POLK: variants seen among roughly 807,000 people sequenced by gnomAD.
POLK encodes the protein DNA polymerase kappa.
Under a neutral mutation model 94.0 loss-of-function variants are expected in POLK, and 76 were observed. The observed-to-expected ratio is 0.81, with a 90% CI of 0.67 to 0.98. The LOEUF (loss-of-function observed/expected upper bound fraction) is 0.98. Ranked by LOEUF, POLK falls within the 50% of genes least tolerant of loss-of-function variation. POLK has a pLI of 0.00. For missense variants in POLK, 954 were observed against 1,010.1 expected, an observed-to-expected ratio of 0.94 and a Z score of 0.75; for synonymous variants, 349 against 325.4, an observed-to-expected ratio of 1.07 and a Z score of -0.78.
intron 3 of POLK, among the ~76,000 whole-genome samples, chr5:75,560,073 A>G (rs1770887977): frequency 1.3e-5 from 2 of 152,200 alleles, no homozygotes; most frequent in Admixed American, 1.3e-4. Context: ...ATCATAACAT[A>G]ATCAAAAACA....
At chr5:75,574,659 C>T (rs945777230) in intron 5 of POLK, among the ~76,000 whole-genome samples, 2 of 152,158 alleles carry the variant, frequency 1.3e-5, no homozygotes, top group African/African-American at 2.4e-5. Context: ...AAATTCACCC[C>T]TCTTATTTGT....
At chr5:75,526,178 T>C (rs1271222481) in intron 1 of POLK, among the ~76,000 whole-genome samples, 1 of 152,114 alleles carries the variant, frequency 6.6e-6, no homozygotes, top group Non-Finnish European at 1.5e-5. Context: ...TGTTCAACTG[T>C]AGAGAGGTTG....
chr5:75,581,533 A>AT (rs1416586720), intron 7 of POLK, 85 bp downstream of exon 7: 1 of 1,147,182 alleles, frequency 8.7e-7, no homozygotes, highest in Non-Finnish European at 1.3e-6. Context: ...TTCTCATTAT[A>AT]AAGTATATAG....
At chr5:75,584,065 G>A (rs5744680) in intron 8 of POLK, among the ~76,000 whole-genome samples, 82,291 of 152,060 alleles carry the variant, frequency 0.54, 25,519 homozygotes, top group African/African-American at 0.87. Flanking sequence ...TAGTATATGT[G>A]AGGAGTAGCT....
intron 6 of POLK, among the ~76,000 whole-genome samples, chr5:75,577,932 CT>C (rs1262418182): frequency 6.6e-6 from 1 of 151,992 alleles, no homozygotes; most frequent in East Asian, 1.9e-4. Flanking sequence ...AAAGGTTTTC[CT>C]TATTTGGTGT....
downstream of POLK, among the ~76,000 whole-genome samples, chr5:75,601,657 G>T (rs1158809049): frequency 6.6e-6 from 1 of 152,166 alleles, no homozygotes; most frequent in African/African-American, 2.4e-5. Flanking sequence ...TTGAACATCA[G>T]ACTCCAAGTT....
At chr5:75,562,931 T>A (rs1415072882) in intron 3 of POLK, among the ~76,000 whole-genome samples, 1 of 152,226 alleles carries the variant, frequency 6.6e-6, no homozygotes, top group African/African-American at 2.4e-5. Context: ...ATTGAGGATT[T>A]TCGCATTGAT....
chr5:75,511,699 C>T (rs1201658064), upstream of POLK: 4 of 1,541,876 alleles, frequency 2.6e-6, no homozygotes, highest in Non-Finnish European at 3.5e-6. Context: ...CCCGCCCCGT[C>T]CCCCTCCCGG....
chr5:75,522,521 G>T (rs1768636844), intron 1 of POLK, among the ~76,000 whole-genome samples: 1 of 152,148 alleles, frequency 6.6e-6, no homozygotes, highest in Non-Finnish European at 1.5e-5. Context: ...CCACTAAAAA[G>T]AAGACTGCAA....
At chr5:75,543,359 A>G (rs1260353976) in intron 1 of POLK, among the ~76,000 whole-genome samples, 2 of 152,154 alleles carry the variant, frequency 1.3e-5, no homozygotes, top group South Asian at 4.1e-4. Flanking sequence ...ATTTTTAACT[A>G]GTAACCTGAA....
Position 75,573,887 on chromosome 5 carries a change from C to T in POLK, c.540+18C>T, listed in dbSNP as rs1468966134. On this transcript the variant is annotated intron_variant, in intron 5 of 14. Transcript: ENST00000241436. ...GTAAAGAGGTAAGTTAATGTCTCAC[C>T]CCTACTTTAGGCTTTCACTGAGTTC... is the stretch of plus-strand genomic sequence containing the variant. 1 of 1,611,914 alleles carries T rather than the reference C, an allele frequency of 6.2e-7. No individual in the cohort carries two copies. Among genetic ancestry groups the T allele is most frequent in the Non-Finnish European group, 8.5e-7 (1 of 1,178,416 alleles).
chr5:75,534,362 G>A (rs1316334906), intron 1 of POLK, among the ~76,000 whole-genome samples: 1 of 152,000 alleles, frequency 6.6e-6, no homozygotes, highest in African/African-American at 2.4e-5. Flanking sequence ...CTTGGATTGG[G>A]TTTCGACTGT....
At chr5:75,520,855 T>A (rs1436371566) in intron 1 of POLK, among the ~76,000 whole-genome samples, 1 of 152,208 alleles carries the variant, frequency 6.6e-6, no homozygotes, top group African/African-American at 2.4e-5. Flanking sequence ...TTATCTTTCC[T>A]TTTTTGTAGT....
intron 3 of POLK, among the ~76,000 whole-genome samples, chr5:75,555,934 G>A (rs150207970): frequency 9.2e-5 from 14 of 152,300 alleles, no homozygotes; most frequent in Middle Eastern, 6.8e-3. Flanking sequence ...TTGCTTCTAA[G>A]TTTTGGGAAT....
Position 75,593,864 on chromosome 5 carries a change from T to A in POLK, c.1357-14T>A. ...TCTCATAAATAAATAAATAACATAT[T>A]GTATATGTTATAGGGTAGAACTGTT... On this transcript the variant is annotated splice_polypyrimidine_tract_variant and intron_variant, in intron 11 of 14. Coordinates refer to ENST00000241436, the Ensembl canonical transcript of POLK. 1.4e-6 allele frequency: 2 copies of A among 1,399,832 alleles called. No homozygotes were observed. Among genetic ancestry groups the A allele is most frequent in the Non-Finnish European group, 2.0e-6 (2 of 1,004,380 alleles). 86.7% of individuals were successfully genotyped at this position (1,399,832 alleles called of 1,614,324 possible).
At chr5:75,535,010 G>T (rs1035033327) in intron 1 of POLK, 1 of 152,136 alleles carries the variant, frequency 6.6e-6, no homozygotes, top group Non-Finnish European at 1.5e-5. Context: ...GTTGTTAGTC[G>T]GTTATTATGA....
At chr5:75,590,076 G>T (rs1772698899) in intron 10 of POLK, among the ~76,000 whole-genome samples, 1 of 152,066 alleles carries the variant, frequency 6.6e-6, no homozygotes, top group Non-Finnish European at 1.5e-5. Context: ...TTATCTGTTG[G>T]TAATTTTAAT....
chr5:75,588,784 C>G (rs1198134065), intron 10 of POLK, among the ~76,000 whole-genome samples: 1 of 152,162 alleles, frequency 6.6e-6, no homozygotes, highest in African/African-American at 2.4e-5. Context: ...GAATCTTTGG[C>G]TCATAGCCTC....
chr5:75,569,699 A>T (rs910805787), intron 4 of POLK, among the ~76,000 whole-genome samples: 3 of 152,166 alleles, frequency 2.0e-5, no homozygotes, highest in Non-Finnish European at 2.9e-5. Context: ...GTATTGGTCC[A>T]TGGTCTGTTA....
Sources: allele counts gnomAD v4.1 joint callset (sites outside exome capture counted in the v4.1 genomes callset), GRCh38; gene constraint gnomAD v4.1.1; transcripts MANE v1.5; gene names NCBI Gene and HGNC (gene_info 2026-07-23, HGNC 2026-07-21).